DNAH6: variants seen among roughly 807,000 people sequenced by gnomAD.
DNAH6 encodes the protein dynein axonemal heavy chain 6.
DNAH6 carries 340 observed loss-of-function variants against 491.4 expected under a neutral mutation model. The observed-to-expected ratio is 0.69, with a 90% confidence interval of 0.63 to 0.76. DNAH6 has a LOEUF of 0.76. Ranked by LOEUF, DNAH6 falls within the 30% of genes least tolerant of loss-of-function variation. The probability of loss-of-function intolerance (pLI) is 0.00; values close to 1 mark genes in which losing one functional copy is unlikely to be tolerated. For synonymous variants in DNAH6, 1,603 were observed against 1,686.1 expected (o/e 0.95, Z 1.21); for missense variants, 4,443 against 4,972.2 (o/e 0.89, Z 3.20).
intron 64 of DNAH6, among the ~76,000 whole-genome samples, chr2:84,766,752 C>T (rs1675117792): frequency 1.3e-5 from 2 of 152,084 alleles, no homozygotes; most frequent in Non-Finnish European, 2.9e-5. Context: ...TTCCTAGAGG[C>T]ACCAGAGGAG....
At position 84,607,025 on chromosome 2, in the gene DNAH6, G is replaced by A. The variant is rs1048751166; in HGVS notation, c.3224G>A (p.Arg1075His). The A allele has an allele frequency of 1.3e-5, 20 of 1,551,204 alleles. No individual in the cohort carries two copies. The highest frequency in any genetic ancestry group is 7.3e-5 in the East Asian group (3 of 40,908). The change falls in exon 21 of 77, where the codon CGT becomes CAT. Residue 1075 changes from arginine to histidine, a missense_variant. Physicochemically the swap from Arg to His is conservative, Grantham distance 29. Coordinates refer to ENST00000389394, the MANE Select transcript of DNAH6 (RefSeq NM_001370.2). ...AATGTTGCAACTCTTGCCTCATCACGTTACCTTGGTCCACTGAAAACTCGA... is the reference window on the plus strand; with the variant it reads ...AATGTTGCAACTCTTGCCTCATCACATTACCTTGGTCCACTGAAAACTCGA... ...TINVATLASS[R>H]YLGPLKTRVD...
the DNAH6 span, among the ~76,000 whole-genome samples, chr2:84,507,132 A>G: frequency 6.6e-6 from 1 of 152,078 alleles, no homozygotes; most frequent in Admixed American, 6.5e-5. Context: ...TGGGGATGGC[A>G]TTGAATCTAT....
rs181382565 is a variant in DNAH6, at chr2:84,619,642, A to G, written c.3573-43A>G. ...ATCTTTTATGTCTGTCTAAGACTTT[A>G]CTTCCATTTCAAGTTATATTTTAAG... is the stretch of plus-strand genomic sequence containing the variant. On this transcript the variant is annotated intron_variant, in intron 23 of 76. Coordinates refer to ENST00000389394, the MANE Select transcript of DNAH6 (RefSeq NM_001370.2). 1.4e-4 allele frequency: 203 copies of G among 1,497,848 alleles called. No homozygotes were observed. The African/African-American group carries it at 2.6e-3, about 19-fold the overall frequency. The allele number at this position is 1,497,848 out of a possible 1,614,324, so 92.8% of individuals were successfully genotyped here.
intron 44 of DNAH6, among the ~76,000 whole-genome samples, chr2:84,687,838 A>G (rs1034631722): frequency 6.6e-6 from 1 of 152,218 alleles, no homozygotes; most frequent in Non-Finnish European, 1.5e-5. Context: ...CTGCTATTTA[A>G]AAACTACAAA....
intron 8 of DNAH6, among the ~76,000 whole-genome samples, chr2:84,549,548 C>T (rs1679120124): frequency 6.6e-6 from 1 of 152,196 alleles, no homozygotes; most frequent in Non-Finnish European, 1.5e-5. Flanking sequence ...GCATCGATTT[C>T]TCCTTTAAAG....
chr2:84,705,848 A>G, intron 52 of DNAH6, 101 bp downstream of exon 52: 1 of 1,292,962 alleles, frequency 7.7e-7, no homozygotes. Flanking sequence ...CGCAATATAG[A>G]CAGTGACAAA....
intron 32 of DNAH6, 87 bp downstream of exon 32, chr2:84,640,665 G>A: frequency 7.8e-7 from 1 of 1,282,308 alleles, no homozygotes; most frequent in Non-Finnish European, 1.1e-6. Context: ...CTCTCAGAGA[G>A]TAACTGATTA....
chr2:84,791,814 C>G (rs1211526651), intron 68 of DNAH6, among the ~76,000 whole-genome samples: 3 of 151,780 alleles, frequency 2.0e-5, no homozygotes, highest in Non-Finnish European at 4.4e-5. Context: ...ACGATACTTG[C>G]TAATGGCGAG....
chr2:84,668,227 C>T (rs1055956511), intron 37 of DNAH6, among the ~76,000 whole-genome samples: 2 of 152,000 alleles, frequency 1.3e-5, no homozygotes, highest in African/African-American at 2.4e-5. Context: ...TACCCTAGAA[C>T]TTAAAGTATA....
chr2:84,746,886 G>A (rs1227905577), intron 63 of DNAH6, among the ~76,000 whole-genome samples: 1 of 152,136 alleles, frequency 6.6e-6, no homozygotes, highest in Admixed American at 6.5e-5. Context: ...ATCACATGGT[G>A]AGAGAGGAAG....
upstream of DNAH6, among the ~76,000 whole-genome samples, chr2:84,511,770 T>A (rs892780265): frequency 4.6e-5 from 7 of 152,216 alleles, no homozygotes; most frequent in African/African-American, 7.2e-5. Flanking sequence ...ATATATTGAG[T>A]TGATCATGCT....
chr2:84,808,594 A>C (rs1679664506), intron 72 of DNAH6, 52 bp downstream of exon 72: 9 of 1,530,288 alleles, frequency 5.9e-6, no homozygotes, highest in Non-Finnish European at 4.4e-6. Flanking sequence ...CTTTGTAGAG[A>C]GTTGTATAAT....
At chr2:84,516,311 C>G (rs1171715597), upstream of DNAH6, 1 of 152,260 alleles carries the variant, frequency 6.6e-6, no homozygotes, top group Non-Finnish European at 1.5e-5. Flanking sequence ...AGAGGAGGAA[C>G]CAGGCTGTGC....
intron 62 of DNAH6, among the ~76,000 whole-genome samples, chr2:84,744,464 C>T (rs1246417780): frequency 1.3e-5 from 2 of 152,094 alleles, no homozygotes; most frequent in African/African-American, 4.8e-5. Flanking sequence ...AGCCAGGGAG[C>T]AGGGGATGAT....
the DNAH6 span, among the ~76,000 whole-genome samples, chr2:84,501,251 T>A: frequency 1.3e-5 from 2 of 152,234 alleles, no homozygotes; most frequent in Non-Finnish European, 2.9e-5. Context: ...TTGAATTTTA[T>A]CAAATGCTTT....
At chr2:84,615,623 T>C (rs539450091) in intron 22 of DNAH6, among the ~76,000 whole-genome samples, 1 of 152,224 alleles carries the variant, frequency 6.6e-6, no homozygotes, top group South Asian at 2.1e-4. Context: ...AGATTGCTTA[T>C]GGCAGTATGG....
At chr2:84,770,773 A>G (rs1018015145) in intron 64 of DNAH6, among the ~76,000 whole-genome samples, 2 of 151,962 alleles carry the variant, frequency 1.3e-5, no homozygotes, top group Non-Finnish European at 2.9e-5. Context: ...ATGTGAAGCT[A>G]GGAGTTACAG....
intron 62 of DNAH6, among the ~76,000 whole-genome samples, chr2:84,734,861 A>T (rs1699407221): frequency 6.6e-6 from 1 of 152,206 alleles, no homozygotes; most frequent in Non-Finnish European, 1.5e-5. Flanking sequence ...CTTTACTCTG[A>T]ATAATGCTTT....
At chr2:84,624,797 A>G (rs1448933631) in intron 28 of DNAH6, 105 bp from the exon 29 acceptor site, 8 of 1,303,588 alleles carry the variant, frequency 6.1e-6, no homozygotes, top group Admixed American at 5.7e-5. Flanking sequence ...TTCAATTGCT[A>G]TATTTTTCAT....
Sources: gnomAD v4.1 joint callset for allele counts (sites outside exome capture counted in the v4.1 genomes callset) on GRCh38, gnomAD v4.1.1 for gene constraint, MANE v1.5 for transcripts, NCBI Gene and HGNC (gene_info 2026-07-23, HGNC 2026-07-21) for gene names.